NETO1: variants seen among roughly 807,000 people sequenced by gnomAD.
The protein encoded by NETO1 is neuropilin and tolloid-like protein 1.
NETO1 carries 26 observed loss-of-function variants against 61.3 expected under a neutral mutation model. That is an observed-to-expected ratio of 0.42 (90% CI 0.31 to 0.59). The LOEUF is 0.59. Ranked by LOEUF, NETO1 falls within the 20% of genes least tolerant of loss-of-function variation. The pLI is 0.12. For missense variants in NETO1, 531 were observed against 662.8 expected, an observed-to-expected ratio of 0.80 and a Z score of 2.18; for synonymous variants, 225 against 225.8, an observed-to-expected ratio of 1.00 and a Z score of 0.03.
intron 4 of NETO1, among the ~76,000 whole-genome samples, chr18:72,822,600 G>A (rs1340521047): frequency 6.6e-6 from 1 of 152,208 alleles, no homozygotes; most frequent in Admixed American, 6.5e-5. Flanking sequence ...AAAATCGTGA[G>A]CTCAGACATA....
intron 7 of NETO1, among the ~76,000 whole-genome samples, chr18:72,757,641 G>C (rs117871147): frequency 1.3e-5 from 2 of 151,878 alleles, no homozygotes; most frequent in Admixed American, 1.3e-4. Context: ...AAAGTATCAC[G>C]CTTAACACTT....
At chr18:72,774,176 T>C (rs894073906) in intron 7 of NETO1, among the ~76,000 whole-genome samples, 3 of 152,086 alleles carry the variant, frequency 2.0e-5, no homozygotes, top group African/African-American at 7.2e-5. Flanking sequence ...GGTGCAAAAG[T>C]TGTAAAGAAG....
intron 7 of NETO1, among the ~76,000 whole-genome samples, chr18:72,772,815 CTCTCTCTCTCTATATATATATATA>C (rs1223232266): frequency 1.2e-3 from 65 of 53,806 alleles, no homozygotes; most frequent in African/African-American, 3.9e-3. Flanking sequence ...CTCTCTCTCT[CTCTCTCTCTCTATATATATATATA>C]TATATATATA....
intron 6 of NETO1, among the ~76,000 whole-genome samples, chr18:72,791,872 G>A (rs942680536): frequency 3.9e-5 from 6 of 152,162 alleles, no homozygotes; most frequent in Admixed American, 3.9e-4. Flanking sequence ...AATACAGGTA[G>A]TGGGTTTTTA....
At chr18:72,829,415 A>C (rs2073499241) in intron 4 of NETO1, among the ~76,000 whole-genome samples, 1 of 151,952 alleles carries the variant, frequency 6.6e-6, no homozygotes, top group Non-Finnish European at 1.5e-5. Flanking sequence ...TATCTAATAT[A>C]CTCCAATCAG....
intron 7 of NETO1, among the ~76,000 whole-genome samples, chr18:72,759,120 G>A (rs1318936): frequency 0.3 from 44,957 of 151,774 alleles, 7,792 homozygotes; most frequent in South Asian, 0.4. Flanking sequence ...GCGTGCACTC[G>A]GTGCACCAAT....
intron 4 of NETO1, among the ~76,000 whole-genome samples, chr18:72,807,870 C>A (rs2072730694): frequency 1.3e-5 from 2 of 152,222 alleles, no homozygotes; most frequent in Non-Finnish European, 1.5e-5. Context: ...TGTCCAAGGG[C>A]AACCAGGGAC....
intron 4 of NETO1, among the ~76,000 whole-genome samples, chr18:72,819,983 G>A (rs898451591): frequency 2.0e-5 from 3 of 152,112 alleles, no homozygotes; most frequent in Non-Finnish European, 4.4e-5. Flanking sequence ...AGAGATGCAT[G>A]CAATGAAAAA....
chr18:72,843,222 A>G (rs2073986916), intron 4 of NETO1, among the ~76,000 whole-genome samples: 1 of 152,206 alleles, frequency 6.6e-6, no homozygotes, highest in Admixed American at 6.5e-5. Flanking sequence ...ACGGTCATTA[A>G]TATTGTTAAC....
At position 72,803,129 on chromosome 18, in the gene NETO1, G is replaced by A. The variant is rs184475769; in HGVS notation, c.470-8725C>T. Among the ~76,000 whole-genome samples the A allele has an allele frequency of 2.1e-3, 313 of 152,228 alleles. 1 individual carries two copies. The highest frequency in any genetic ancestry group is 7.0e-3 in the African/African-American group (291 of 41,540). On this transcript the variant is annotated intron_variant, in intron 4 of 10. Coordinates refer to ENST00000327305, the MANE Select transcript of NETO1 (RefSeq NM_138966.5). ...CTGTTGATTTTTAAGAAAAACAACC[G>A]ACAATATTTGTTGCCAATGATAAAA...
chr18:72,861,513 T>G (rs1329789565), intron 3 of NETO1, among the ~76,000 whole-genome samples: 1 of 152,332 alleles, frequency 6.6e-6, no homozygotes, highest in South Asian at 2.1e-4. Flanking sequence ...GATCTAACAC[T>G]GAGGTTAGTT....
chr18:72,794,418 A>T lies in NETO1; in HGVS notation c.470-14T>A. ...TAAAGTCAGGATCTTAAAAATTGAG[A>T]AAAAGACAATTAGTCCCATTCTACA... On this transcript the variant is annotated splice_polypyrimidine_tract_variant and intron_variant, in intron 4 of 10. Transcript: ENST00000327305. 1 of 1,604,910 alleles carries T rather than the reference A, an allele frequency of 6.2e-7. No homozygotes were observed. Among genetic ancestry groups the T allele is most frequent in the Non-Finnish European group, 8.5e-7 (1 of 1,177,508 alleles).
At chr18:72,788,284 T>C (rs2071989597) in intron 6 of NETO1, among the ~76,000 whole-genome samples, 1 of 152,160 alleles carries the variant, frequency 6.6e-6, no homozygotes, top group African/African-American at 2.4e-5. Context: ...CAGTAGTGTT[T>C]ACCTATGATC....
At chr18:72,782,636 C>A (rs2071782336) in intron 7 of NETO1, among the ~76,000 whole-genome samples, 1 of 152,026 alleles carries the variant, frequency 6.6e-6, no homozygotes. Context: ...GAAACCCCAT[C>A]TCTACTAATA....
chr18:72,826,498 A>G (rs2073377896), intron 4 of NETO1, among the ~76,000 whole-genome samples: 3 of 149,502 alleles, frequency 2.0e-5, no homozygotes, highest in South Asian at 2.1e-4. Context: ...AGTTATTTTG[A>G]CCCTCATATT....
At chr18:72,813,829 G>A (rs1314686609) in intron 4 of NETO1, among the ~76,000 whole-genome samples, 1 of 152,014 alleles carries the variant, frequency 6.6e-6, no homozygotes, top group Non-Finnish European at 1.5e-5. Flanking sequence ...TAGAAAGGGA[G>A]CAGAAAATGA....
At chr18:72,834,446 A>C in intron 4 of NETO1, 6 of 979,992 alleles carry the variant, frequency 6.1e-6, no homozygotes, top group Non-Finnish European at 7.3e-6. Flanking sequence ...AACACAGAAA[A>C]ACATATCTGG....
At chr18:72,799,728 C>T (rs555719981) in intron 4 of NETO1, among the ~76,000 whole-genome samples, 29 of 152,368 alleles carry the variant, frequency 1.9e-4, no homozygotes, top group African/African-American at 5.8e-4. Flanking sequence ...GCTGAACACA[C>T]ATGTCTTCTC....
intron 6 of NETO1, among the ~76,000 whole-genome samples, chr18:72,792,368 G>A (rs865832586): frequency 6.6e-6 from 1 of 151,994 alleles, no homozygotes; most frequent in African/African-American, 2.4e-5. Context: ...GCAGTGAGCC[G>A]AGATCGCACC....
Sources: allele counts gnomAD v4.1 joint callset (sites outside exome capture counted in the v4.1 genomes callset), GRCh38; gene constraint gnomAD v4.1.1; transcripts MANE v1.5; gene names NCBI Gene and HGNC (gene_info 2026-07-23, HGNC 2026-07-21).